Variants in CEP89 observed in about 807,000 individuals in gnomAD.
CEP89 encodes the protein centrosomal protein of 89 kDa.
Under a neutral mutation model 97.6 loss-of-function variants are expected in CEP89, and 95 were observed. The ratio of observed to expected loss-of-function variants is 0.97; its 90% confidence interval spans 0.82 to 1.15. The LOEUF (loss-of-function observed/expected upper bound fraction) is 1.15. Ranked by LOEUF, CEP89 falls within the 50% of genes most tolerant of loss-of-function variation. CEP89 has a pLI of 0.00. For missense variants in CEP89, 869 were observed against 947.7 expected (o/e 0.92, Z 1.09); for synonymous variants, 354 against 349.1 (o/e 1.01, Z -0.16).
At chr19:32,958,434 C>T (rs1971096102) in intron 3 of CEP89, among the ~76,000 whole-genome samples, 1 of 151,834 alleles carries the variant, frequency 6.6e-6, no homozygotes, top group Non-Finnish European at 1.5e-5. Context: ...CTTGTAATCC[C>T]AGCACTTTGG....
At chr19:32,938,906 C>A (rs1230843933) in intron 6 of CEP89, among the ~76,000 whole-genome samples, 2 of 152,072 alleles carry the variant, frequency 1.3e-5, no homozygotes, top group South Asian at 4.1e-4. Flanking sequence ...GCCGAGACTG[C>A]GCCACTGCAC....
chr19:32,962,871 A>G (rs1971198879), intron 2 of CEP89, among the ~76,000 whole-genome samples: 1 of 152,192 alleles, frequency 6.6e-6, no homozygotes, highest in Admixed American at 6.6e-5. Context: ...ATTGCCTCCA[A>G]CTGAACATGA....
chr19:32,887,343 G>A (rs578191845), intron 17 of CEP89, among the ~76,000 whole-genome samples: 24 of 151,592 alleles, frequency 1.6e-4, no homozygotes, highest in Non-Finnish European at 3.1e-4. Flanking sequence ...TCAGCCTCGA[G>A]AGAAGCTGAG....
At position 32,881,810 on chromosome 19, in the gene CEP89, C is replaced by T. The variant is rs375832221; in HGVS notation, c.2135+34G>A. On this transcript the variant is annotated intron_variant, in intron 18 of 18. Transcript: ENST00000305768. ...AACCCTCAATCAGACATTCAGACAT[C>T]TCTGCGGGCCATGGCGCAGGGCGCA... 1,027 of 1,559,440 alleles carry T rather than the reference C, an allele frequency of 6.6e-4. 1 individual carries two copies. The highest frequency in any genetic ancestry group is 8.4e-4 in the Non-Finnish European group (974 of 1,154,570).
Position 32,901,301 on chromosome 19 carries a change from C to T in CEP89, c.1677G>A (p.Leu559=). Residue 559 remains leucine (L), a synonymous_variant, in exon 15 of 19, where the codon TTG becomes TTA. Transcript: ENST00000305768. ...CTTCCAGTGCTTTGTTTTGCTCTGT[C>T]AAACTGTTCTTCTCTAACAGCAGGC... is the stretch of plus-strand genomic sequence containing the variant. The part of the protein sequence containing the change: ...KKSLLLEKNS[L]TEQNKALEAE... The T allele has an allele frequency of 6.2e-7, 1 of 1,614,200 alleles. No homozygotes were observed. The highest frequency in any genetic ancestry group is 8.5e-7 in the Non-Finnish European group (1 of 1,180,048).
intron 4 of CEP89, among the ~76,000 whole-genome samples, chr19:32,952,342 G>A (rs1970937681): frequency 6.7e-6 from 1 of 148,560 alleles, no homozygotes; most frequent in South Asian, 2.1e-4. Flanking sequence ...AAAGCCAGTT[G>A]TGGTGCCGCG....
At chr19:32,900,692 G>A (rs1251187164) in intron 15 of CEP89, among the ~76,000 whole-genome samples, 1 of 152,106 alleles carries the variant, frequency 6.6e-6, no homozygotes, top group Non-Finnish European at 1.5e-5. Flanking sequence ...CTAGAACTTT[G>A]AATCTTAGGG....
At chr19:32,957,007 T>C (rs913081541) in intron 3 of CEP89, among the ~76,000 whole-genome samples, 13 of 152,246 alleles carry the variant, frequency 8.5e-5, no homozygotes, top group African/African-American at 3.1e-4. Context: ...AATATAGCAC[T>C]GAATGCTTTC....
chr19:32,917,805 C>T lies in CEP89; in HGVS notation c.1384+419G>A, dbSNP rs972663921. On this transcript the variant is annotated intron_variant, in intron 13 of 18. Coordinates refer to ENST00000305768, the MANE Select transcript of CEP89 (RefSeq NM_032816.5). ...CTGCAGTGATGTCGCCTCCCAGGCC[C>T]GCAGCTCTGAAGGAAGGAAGGACAC... is the stretch of plus-strand genomic sequence containing the variant. The T allele has an allele frequency of 9.1e-6, 9 of 984,862 alleles. No homozygotes were observed. The Admixed American group carries it at 3.1e-4, about 34-fold the overall frequency. 61.0% of individuals were successfully genotyped at this position (984,862 alleles called of 1,614,324 possible).
Position 32,915,460 on chromosome 19 carries a change from T to C in CEP89, c.1442A>G (p.Lys481Arg). ...CTGTTCCCTGTTCTCCGCCAGCTCC[T>C]TTTCCTGGCCGTGGGTTTTTGCCTC... ...LLEAKTHGQEKELAENREQLE... is the reference protein window; with the variant it reads ...LLEAKTHGQERELAENREQLE... The change falls in exon 14 of 19, where the codon AAG (lysine) becomes AGG (arginine). Residue 481 changes from lysine to arginine, a missense_variant. By Grantham distance (26) the Lys-to-Arg change is conservative (BLOSUM62 2). Transcript: ENST00000305768. 6.2e-7 allele frequency: 1 copy of C among 1,613,472 alleles called. No individual in the cohort carries two copies. The highest frequency in any genetic ancestry group is 8.5e-7 in the Non-Finnish European group (1 of 1,179,850).
chr19:32,924,741 C>T (rs777821809), intron 11 of CEP89, among the ~76,000 whole-genome samples: 1 of 152,042 alleles, frequency 6.6e-6, no homozygotes, highest in Non-Finnish European at 1.5e-5. Flanking sequence ...AACCAGCTGC[C>T]TGTTTTTATA....
At chr19:32,971,570 T>C in intron 1 of CEP89, 1 of 576,044 alleles carries the variant, frequency 1.7e-6, no homozygotes, top group Non-Finnish European at 3.1e-6. Context: ...GGTGGGAAGA[T>C]CGCTTGAGCC....
chr19:32,887,816 T>C lies in CEP89; in HGVS notation c.1901A>G (p.Asp634Gly), dbSNP rs1331669674. 1.9e-6 allele frequency: 3 copies of C among 1,612,476 alleles called. No homozygotes were observed. The highest frequency in any genetic ancestry group is 4.5e-5 in the East Asian group (2 of 44,882). The change falls in exon 17 of 19, where the codon GAT (aspartate) becomes GGT (glycine). Residue 634 changes from aspartate (D) to glycine (G), a missense_variant. Asp to Gly is a moderately conservative substitution (Grantham distance 94, BLOSUM62 -1). Coordinates refer to ENST00000305768, the MANE Select transcript of CEP89 (RefSeq NM_032816.5). ...TTTTATGACTTTATTAAGCACTCCA[T>C]CCTTCTCACTTTCTAAACATTTTGC... ...CLAKCLESEK[D>G]GVLNKVIKSN...
chr19:32,925,740 G>A (rs1177580870), intron 11 of CEP89, among the ~76,000 whole-genome samples: 5 of 151,876 alleles, frequency 3.3e-5, no homozygotes, highest in African/African-American at 4.8e-5. Context: ...CACCCACCTC[G>A]GCCTCCCAAA....
Position 32,960,052 on chromosome 19 carries a change from A to G in CEP89, c.153T>C (p.Ala51=). 1 of 1,614,200 alleles carries G rather than the reference A, an allele frequency of 6.2e-7. No homozygotes were observed. The highest frequency in any genetic ancestry group is 8.5e-7 in the Non-Finnish European group (1 of 1,180,030). ...PNPSPERPRS[A]LAAAILATTL... ...TTGTCGCCAGAATGGCTGCTGCCAG[A>G]GCAGATCTGCGGACAAAAACATCCC... The change falls in exon 3 of 19, where the codon GCT becomes GCC. Residue 51 remains alanine (A), a synonymous_variant. Transcript: ENST00000305768.
At chr19:32,963,287 C>T (rs543433929) in intron 2 of CEP89, among the ~76,000 whole-genome samples, 3 of 152,076 alleles carry the variant, frequency 2.0e-5, no homozygotes, top group East Asian at 3.9e-4. Context: ...ATCCAGGAGG[C>T]GGAGGTTGAA....
chr19:32,927,903 C>CTTTT (rs60706354), intron 9 of CEP89, among the ~76,000 whole-genome samples: 2 of 116,344 alleles, frequency 1.7e-5, no homozygotes. Flanking sequence ...GCACACTTGG[C>CTTTT]TTTTTTTTTT....
intron 14 of CEP89, among the ~76,000 whole-genome samples, chr19:32,901,778 T>A (rs987071818): frequency 1.3e-5 from 2 of 152,094 alleles, no homozygotes; most frequent in Non-Finnish European, 2.9e-5. Context: ...CAGGCACACA[T>A]GATACCTGGC....
chr19:32,902,000 C>CTGTGTGTGTGTGTGTG (rs1969784585), intron 14 of CEP89, among the ~76,000 whole-genome samples: 2 of 113,400 alleles, frequency 1.8e-5, no homozygotes, highest in South Asian at 2.9e-4. Context: ...CTCTCTGTCT[C>CTGTGTGTGTGTGTGTG]TCTCTCTCTC....
Sources: gnomAD v4.1 joint callset for allele counts (sites outside exome capture counted in the v4.1 genomes callset) on GRCh38, gnomAD v4.1.1 for gene constraint, MANE v1.5 for transcripts, NCBI Gene and HGNC (gene_info 2026-07-23, HGNC 2026-07-21) for gene names.